CFAP70: variants seen among roughly 807,000 people sequenced by gnomAD.
CFAP70 encodes cilia and flagella associated protein 70, also known as cilia- and flagella-associated protein 70.
CFAP70 carries 81 observed loss-of-function variants against 137.6 expected under a neutral mutation model. The ratio of observed to expected loss-of-function variants is 0.59; its 90% CI spans 0.49 to 0.71. The LOEUF is 0.71. CFAP70 is among the 30% of genes least tolerant of loss of function. The probability of loss-of-function intolerance (pLI) is 0.00; values close to 1 mark genes in which losing one functional copy is unlikely to be tolerated. For synonymous variants in CFAP70, 382 were observed against 423.6 expected, an observed-to-expected ratio of 0.90 and a Z score of 1.20; for missense variants, 976 against 1,226.7, an observed-to-expected ratio of 0.80 and a Z score of 3.05.
intron 9 of CFAP70, among the ~76,000 whole-genome samples, chr10:73,314,379 C>A (rs566056177): frequency 6.6e-6 from 1 of 152,292 alleles, no homozygotes; most frequent in East Asian, 1.9e-4. Context: ...AAAAATCACT[C>A]ACAATCCTAC....
chr10:73,255,923 T>C (rs560453700), intron 26 of CFAP70, among the ~76,000 whole-genome samples: 1 of 152,320 alleles, frequency 6.6e-6, no homozygotes, highest in Non-Finnish European at 1.5e-5. Context: ...GCTTGTGTAC[T>C]ACAAGTGCAG....
chr10:73,254,802 T>A (rs944843550), intron 26 of CFAP70, among the ~76,000 whole-genome samples: 1 of 152,156 alleles, frequency 6.6e-6, no homozygotes, highest in Non-Finnish European at 1.5e-5. Flanking sequence ...GTCTTGCAAC[T>A]ATGAGGGATA....
intron 8 of CFAP70, among the ~76,000 whole-genome samples, chr10:73,327,291 T>C (rs1333959285): frequency 3.0e-4 from 46 of 150,998 alleles, no homozygotes; most frequent in African/African-American, 1.1e-3. Context: ...TCAACAACCC[T>C]TCATGCTAAA....
intron 16 of CFAP70, among the ~76,000 whole-genome samples, 164 bp from the exon 18 acceptor site, chr10:73,292,178 C>A (rs939460717): frequency 6.6e-5 from 10 of 152,130 alleles, no homozygotes; most frequent in Non-Finnish European, 1.5e-4. Flanking sequence ...AATCACTGTT[C>A]TGGCCTTTAG....
intron 25 of CFAP70, among the ~76,000 whole-genome samples, chr10:73,259,781 C>A (rs1303979823): frequency 6.6e-6 from 1 of 152,054 alleles, no homozygotes; most frequent in South Asian, 2.1e-4. Context: ...CTGTAATCCC[C>A]GCACTTTGCA....
At chr10:73,278,459 G>T (rs897506588) in intron 19 of CFAP70, 122 bp from the exon 21 acceptor site, 5 of 743,210 alleles carry the variant, frequency 6.7e-6, no homozygotes, top group Admixed American at 3.1e-5. Flanking sequence ...ATGAAGGACA[G>T]ACTTGTTTGG....
intron 12 of CFAP70, 76 bp downstream of exon 13, chr10:73,310,082 A>C: frequency 1.1e-6 from 1 of 891,376 alleles, no homozygotes; most frequent in Non-Finnish European, 1.7e-6. Context: ...GGAAATTACA[A>C]TCGTGGGGAC....
chr10:73,316,033 G>A (rs1001049809), intron 9 of CFAP70, among the ~76,000 whole-genome samples: 1 of 152,088 alleles, frequency 6.6e-6, no homozygotes, highest in African/African-American at 2.4e-5. Flanking sequence ...TAATTGTCCT[G>A]TCTTCCTGAT....
rs1173819213 is a variant in CFAP70, at chr10:73,325,758, A to G, written c.778-2661T>C. ...ACAAAGAAGGCCATTACATAATGGT[A>G]AAGGGATCAATTCAACAAGAAGAGC... On this transcript the variant is annotated intron_variant, in intron 8 of 26. Coordinates refer to ENST00000310715, the Ensembl canonical transcript of CFAP70. Among the ~76,000 whole-genome samples, 4 of 152,200 alleles carry G rather than the reference A, an allele frequency of 2.6e-5. No individual in the cohort carries two copies. In the East Asian group the frequency reaches 5.8e-4, roughly 22 times the overall value.
chr10:73,286,602 A>G (rs75452457), intron 19 of CFAP70, among the ~76,000 whole-genome samples: 6,902 of 152,264 alleles, frequency 0.045, 477 homozygotes, highest in African/African-American at 0.15. Context: ...AAATATAAAT[A>G]GTGCCACAGG....
At chr10:73,336,535 A>C (rs537162729) in intron 6 of CFAP70, among the ~76,000 whole-genome samples, 1 of 151,092 alleles carries the variant, frequency 6.6e-6, no homozygotes, top group South Asian at 2.1e-4. Flanking sequence ...TCAGTGGATT[A>C]TCAGCTCATT....
chr10:73,282,594 T>A (rs1167527380), intron 19 of CFAP70, among the ~76,000 whole-genome samples: 1 of 151,118 alleles, frequency 6.6e-6, no homozygotes, highest in Non-Finnish European at 1.5e-5. Flanking sequence ...GAGACAGGGG[T>A]TTTACCATGT....
intron 2 of CFAP70, among the ~76,000 whole-genome samples, chr10:73,354,084 A>G (rs2054487685): frequency 1.3e-5 from 2 of 152,216 alleles, no homozygotes; most frequent in African/African-American, 2.4e-5. Context: ...CAGTGGCGCG[A>G]TCTCAGCTCA....
chr10:73,284,844 C>T (rs1290880579), intron 19 of CFAP70, among the ~76,000 whole-genome samples: 3 of 120,456 alleles, frequency 2.5e-5, no homozygotes, highest in South Asian at 5.5e-4. Context: ...TTTTTAAATG[C>T]ATCATCTATG....
chr10:73,275,350 C>T lies in CFAP70; in HGVS notation c.2673+96G>A, dbSNP rs146271297. ...GAGTTTACTGACAGCTGATGACCACCCTTCTGTTCACCAGAAATCTACGTG... is the reference window on the plus strand; with the variant it reads ...GAGTTTACTGACAGCTGATGACCACTCTTCTGTTCACCAGAAATCTACGTG... On this transcript the variant is annotated intron_variant, in intron 22 of 26. Transcript: ENST00000310715. This position sits in a 1 kb window ranked among gnomAD's most constrained non-coding sequence, Gnocchi z 4.0. 1.0e-3 allele frequency: 1,412 copies of T among 1,369,766 alleles called. 26 individuals are homozygous for T. In the East Asian group the frequency reaches 0.022, roughly 21 times the overall value. The allele number at this position is 1,369,766 out of a possible 1,614,324, so 84.9% of individuals were successfully genotyped here.
At chr10:73,309,185 C>T (rs946101076) in intron 12 of CFAP70, among the ~76,000 whole-genome samples, 8 of 152,148 alleles carry the variant, frequency 5.3e-5, no homozygotes, top group Non-Finnish European at 1.2e-4. Flanking sequence ...GGAAACATTA[C>T]TACCAATTTT....
chr10:73,354,609 T>C lies in CFAP70; in HGVS notation c.63+125A>G, dbSNP rs1485275326. 1.8e-5 allele frequency: 13 copies of C among 736,696 alleles called. No individual in the cohort carries two copies. The East Asian group carries it at 2.2e-4, about 12-fold the overall frequency. 45.6% of individuals were successfully genotyped at this position (736,696 alleles called of 1,614,324 possible). ...GATTAAGACTAACAATAAGGAACAC[T>C]GAGGCGGAATGCCACTGCTACATAA... On this transcript the variant is annotated intron_variant, in intron 2 of 26. Coordinates refer to ENST00000310715, the Ensembl canonical transcript of CFAP70.
At chr10:73,323,201 A>G in intron 8 of CFAP70, 104 bp from the exon 10 acceptor site, 1 of 1,100,762 alleles carries the variant, frequency 9.1e-7, no homozygotes. Flanking sequence ...AAACTAACTC[A>G]ACTACTTAGC....
chr10:73,265,916 A>G (rs1226287056), intron 25 of CFAP70, among the ~76,000 whole-genome samples: 2 of 149,924 alleles, frequency 1.3e-5, no homozygotes, highest in Non-Finnish European at 1.5e-5. Context: ...GAATTTTAGG[A>G]TTTATCTCAT....
Sources: allele counts gnomAD v4.1 joint callset (sites outside exome capture counted in the v4.1 genomes callset), GRCh38; gene constraint gnomAD v4.1.1; non-coding constraint Gnocchi (gnomAD v3.1); transcripts MANE v1.5; gene names NCBI Gene and HGNC (gene_info 2026-07-23, HGNC 2026-07-21).